The following MEF2C variants were observed in gnomAD, a reference collection of about 807,000 sequenced individuals.
MEF2C encodes myocyte-specific enhancer factor 2C.
Under a neutral mutation model 50.5 loss-of-function variants are expected in MEF2C, and 6 were observed. That is an observed-to-expected ratio of 0.12 (90% CI 0.07 to 0.23). The LOEUF is 0.23. MEF2C is among the 10% of genes least tolerant of loss of function. The probability of loss-of-function intolerance (pLI) is 1.00; values close to 1 mark genes in which losing one functional copy is unlikely to be tolerated. For synonymous variants in MEF2C, 183 were observed against 228.0 expected (o/e 0.80, Z 1.78); for missense variants, 276 against 605.0 (o/e 0.46, Z 5.70).
intron 1 of MEF2C, among the ~76,000 whole-genome samples, chr5:88,892,884 G>A (rs574296791): frequency 6.6e-6 from 1 of 152,262 alleles, no homozygotes; most frequent in South Asian, 2.1e-4. Context: ...AGTGTCTGAT[G>A]GCCGTCTATG....
At chr5:88,852,159 T>C (rs1289995733) in intron 1 of MEF2C, among the ~76,000 whole-genome samples, 1 of 152,214 alleles carries the variant, frequency 6.6e-6, no homozygotes, top group South Asian at 2.1e-4. Context: ...TTGAACTGTA[T>C]GTTCAACATT....
chr5:88,751,595 G>C, intron 5 of MEF2C: 1 of 921,944 alleles, frequency 1.1e-6, no homozygotes, highest in South Asian at 5.0e-5. Flanking sequence ...TCCTGTTTGA[G>C]AGTATGTGGT....
intron 3 of MEF2C, chr5:88,785,279 TACACACACACACACACACACACAC>T (rs57929414): frequency 5.6e-5 from 8 of 143,838 alleles, no homozygotes; most frequent in Admixed American, 1.4e-4. Flanking sequence ...AAAACTGGCA[TACACACACACACACACACACACAC>T]ACACACACAC....
chr5:88,774,147 T>G (rs1396179047), intron 3 of MEF2C, among the ~76,000 whole-genome samples: 1 of 152,126 alleles, frequency 6.6e-6, no homozygotes, highest in African/African-American at 2.4e-5. Flanking sequence ...CCTTGCAGGT[T>G]CAACAGTTGA....
chr5:88,888,505 G>A (rs186271845), intron 1 of MEF2C, among the ~76,000 whole-genome samples: 2 of 152,200 alleles, frequency 1.3e-5, no homozygotes, highest in Admixed American at 6.5e-5. Flanking sequence ...CTTTATGGGT[G>A]TTAGTTGAGT....
chr5:88,739,626 G>C (rs902316245), intron 6 of MEF2C: 2 of 984,980 alleles, frequency 2.0e-6, no homozygotes, highest in African/African-American at 3.5e-5. Context: ...GGAAAAATAT[G>C]ATCTTCTAGA....
At chr5:88,792,710 T>C (rs770851440) in intron 3 of MEF2C, among the ~76,000 whole-genome samples, 1 of 152,184 alleles carries the variant, frequency 6.6e-6, no homozygotes, top group East Asian at 1.9e-4. Flanking sequence ...AGGAACTGAA[T>C]TGGACATTTT....
intron 6 of MEF2C, chr5:88,736,833 G>A: frequency 1.0e-6 from 1 of 985,306 alleles, no homozygotes; most frequent in Non-Finnish European, 1.2e-6. Context: ...CCTGCCTTAT[G>A]GTCCTCGGAA....
chr5:88,744,135 C>T (rs539640911), intron 6 of MEF2C: 671 of 985,038 alleles, frequency 6.8e-4, no homozygotes, highest in Non-Finnish European at 7.3e-4. Flanking sequence ...AGGATACTAA[C>T]GGGATAGTGA....
At chr5:88,752,550 G>GT (rs1356893648) in intron 4 of MEF2C, 1 of 923,180 alleles carries the variant, frequency 1.1e-6, no homozygotes, top group East Asian at 1.2e-4. Context: ...TAAAGTCTAT[G>GT]TTTTAAAAGT....
At position 88,828,695 on chromosome 5, in the gene MEF2C, G is replaced by A. The variant is rs918271893; in HGVS notation, c.-142-4765C>T. 2.0e-5 allele frequency among the ~76,000 whole-genome samples: 3 copies of A among 151,882 alleles called. No homozygotes were observed. In the East Asian group the frequency reaches 5.8e-4, roughly 29 times the overall value. ...ATATGTTACATCTAGTTACATTTAGGTTTCTATTTTGTGATTTGTTTGATA... is the reference window on the plus strand; with the variant it reads ...ATATGTTACATCTAGTTACATTTAGATTTCTATTTTGTGATTTGTTTGATA... On this transcript the variant is annotated intron_variant, in intron 1 of 10. Transcript: ENST00000504921.
At position 88,784,869 on chromosome 5, in the gene MEF2C, T is replaced by A. The variant is rs188231951; in HGVS notation, c.258+19729A>T. On this transcript the variant is annotated intron_variant, in intron 3 of 10. Coordinates refer to ENST00000504921, the MANE Select transcript of MEF2C (RefSeq NM_002397.5). The stretch of plus-strand genomic sequence containing the variant: ...TGCAGTAAAGATACAATATGGGAAT[T>A]CAGCTTGGTAATTACTAATACACCA... Among the ~76,000 whole-genome samples the A allele has an allele frequency of 2.6e-5, 4 of 152,266 alleles. No individual in the cohort carries two copies. The East Asian group carries it at 7.7e-4, about 29-fold the overall frequency.
At chr5:88,864,653 A>G (rs987536239) in intron 1 of MEF2C, among the ~76,000 whole-genome samples, 8 of 152,168 alleles carry the variant, frequency 5.3e-5, no homozygotes, top group Middle Eastern at 3.4e-3. Context: ...GTGCAGTGGC[A>G]CTACTATAGC....
intron 1 of MEF2C, among the ~76,000 whole-genome samples, chr5:88,893,379 T>G (rs1834795004): frequency 6.6e-6 from 1 of 151,470 alleles, no homozygotes; most frequent in African/African-American, 2.4e-5. Flanking sequence ...GGTGTGATCT[T>G]GGCTCACTGC....
At chr5:88,757,374 T>C (rs1261364347) in intron 4 of MEF2C, among the ~76,000 whole-genome samples, 1 of 152,124 alleles carries the variant, frequency 6.6e-6, no homozygotes, top group Non-Finnish European at 1.5e-5. Flanking sequence ...ATGACACCTT[T>C]AAATTTTGAT....
intron 1 of MEF2C, among the ~76,000 whole-genome samples, chr5:88,849,253 C>T (rs768227744): frequency 7.3e-5 from 11 of 151,210 alleles, no homozygotes; most frequent in Non-Finnish European, 1.0e-4. Context: ...AAATAAAAAG[C>T]ATTCATAAAT....
intron 1 of MEF2C, chr5:88,843,211 T>C: frequency 2.0e-6 from 1 of 489,612 alleles, no homozygotes; most frequent in Non-Finnish European, 2.6e-6. Context: ...TTTGCTTGCT[T>C]TTTTTTTTTT....
chr5:88,799,317 T>C (rs1438503677), intron 3 of MEF2C, among the ~76,000 whole-genome samples: 1 of 152,236 alleles, frequency 6.6e-6, no homozygotes, highest in Admixed American at 6.5e-5. Flanking sequence ...CTGGGGCTGC[T>C]TCCTTTCTTT....
At chr5:88,731,588 C>T (rs1366037551) in intron 7 of MEF2C, 141 bp downstream of exon 7, 2 of 744,000 alleles carry the variant, frequency 2.7e-6, no homozygotes, top group East Asian at 2.8e-5. Flanking sequence ...TAGCTAAATA[C>T]AAGCAAGGCT....
Sources: gnomAD v4.1 joint callset for allele counts (sites outside exome capture counted in the v4.1 genomes callset) on GRCh38, gnomAD v4.1.1 for gene constraint, MANE v1.5 for transcripts, NCBI Gene and HGNC (gene_info 2026-07-23, HGNC 2026-07-21) for gene names.